ITGA2: variants seen among roughly 807,000 people sequenced by gnomAD.
ITGA2 encodes integrin subunit alpha 2.
Under a neutral mutation model 146.3 loss-of-function variants are expected in ITGA2, and 101 were observed. The observed-to-expected ratio is 0.69, with a 90% confidence interval of 0.59 to 0.81. ITGA2 has a LOEUF of 0.81. Ranked by LOEUF, ITGA2 falls within the 40% of genes least tolerant of loss-of-function variation. The pLI, the probability that ITGA2 is intolerant of heterozygous loss-of-function variation, is 0.00. For synonymous variants in ITGA2, 477 were observed against 487.1 expected (o/e 0.98, Z 0.27); for missense variants, 1,281 against 1,402.7 (o/e 0.91, Z 1.39).
chr5:53,005,222 C>T (rs1741778364), intron 1 of ITGA2, among the ~76,000 whole-genome samples: 1 of 151,998 alleles, frequency 6.6e-6, no homozygotes, highest in African/African-American at 2.4e-5. Context: ...TTGTGGTGTG[C>T]TTCTCGTGTG....
intron 20 of ITGA2, among the ~76,000 whole-genome samples, 164 bp downstream of exon 20, chr5:53,073,423 G>C (rs1315362250): frequency 2.6e-5 from 4 of 151,798 alleles, no homozygotes; most frequent in Non-Finnish European, 5.9e-5. Context: ...ACATAGTCTG[G>C]CTCTATATCT....
chr5:53,032,856 C>T (rs1165033873), intron 2 of ITGA2, among the ~76,000 whole-genome samples: 2 of 152,166 alleles, frequency 1.3e-5, no homozygotes, highest in African/African-American at 4.8e-5. Context: ...GTTTTACCCT[C>T]AGCTTCCCCA....
In ITGA2 at chr5:52,989,528, T is replaced by C. The variant is rs146416678; in HGVS notation, c.60T>C (p.Ser20=). The change falls in exon 1 of 30, where the codon AGT becomes AGC. Residue 20 remains serine, a synonymous_variant. Coordinates refer to ENST00000296585, the MANE Select transcript of ITGA2 (RefSeq NM_002203.4). ...PLPLLLVLAL[S]QGILNCCLAY... ...CGCTGCTGCTGGTGTTAGCGCTCAGTCAAGGTAAGCGGGGATTTCGCTCTG... is the reference window on the plus strand; with the variant it reads ...CGCTGCTGCTGGTGTTAGCGCTCAGCCAAGGTAAGCGGGGATTTCGCTCTG... 317 of 1,613,948 alleles carry C rather than the reference T, an allele frequency of 2.0e-4. No individual in the cohort carries two copies. In the African/African-American group the frequency reaches 3.8e-3, roughly 19 times the overall value.
chr5:52,994,572 C>T (rs577515260), intron 1 of ITGA2, among the ~76,000 whole-genome samples: 36 of 152,312 alleles, frequency 2.4e-4, no homozygotes, highest in Admixed American at 1.5e-3. Context: ...AAATTTGGAA[C>T]AACTACAGCC....
chr5:53,059,973 G>A lies in ITGA2; in HGVS notation c.1273G>A (p.Asp425Asn), dbSNP rs1199748745. ...GHLIFPKQAF[D>N]QILQDRNHSS... ...TTTGATCTTTCCTAAACAAGCCTTT[G>A]ACCAAATTCTGCAGGACAGAAATCA... Residue 425 changes from aspartate to asparagine, a missense_variant, in exon 11 of 30, where the codon GAC (aspartate) becomes AAC (asparagine). Transcript: ENST00000296585. 2 of 1,612,124 alleles carry A rather than the reference G, an allele frequency of 1.2e-6. No individual in the cohort carries two copies. Among genetic ancestry groups the A allele is most frequent in the African/African-American group, 2.7e-5 (2 of 74,784 alleles).
At chr5:53,039,095 AAAT>A (rs1579835444) in intron 2 of ITGA2, among the ~76,000 whole-genome samples, 3 of 152,290 alleles carry the variant, frequency 2.0e-5, no homozygotes, top group South Asian at 2.1e-4. Flanking sequence ...ACCATCTCAA[AAAT>A]AATAATAATA....
intron 1 of ITGA2, among the ~76,000 whole-genome samples, chr5:53,008,650 C>A (rs1021576425): frequency 1.3e-5 from 2 of 152,062 alleles, no homozygotes; most frequent in Admixed American, 6.6e-5. Context: ...GAGTCTCTCT[C>A]TCTCTGCCTC....
intron 28 of ITGA2, among the ~76,000 whole-genome samples, chr5:53,087,407 G>T (rs982792906): frequency 7.2e-5 from 11 of 152,230 alleles, no homozygotes; most frequent in African/African-American, 2.4e-4. Context: ...ACACAAAATG[G>T]TCTGGAGCTT....
Position 53,055,559 on chromosome 5 carries a change from T to C in ITGA2, c.801T>C (p.Ala267=). Residue 267 remains alanine (A), a synonymous_variant, in exon 8 of 30, where the codon GCT becomes GCC. Coordinates refer to ENST00000296585, the MANE Select transcript of ITGA2 (RefSeq NM_002203.4). ...QYARKYAYSA[A]SGGRRSATKV... is the part of the protein sequence containing the mutation. ...ACAGAAAATATGCTTATTCAGCAGC[T>C]TCTGGTGGGCGACGAAGTGCTACGA... is the stretch of plus-strand genomic sequence containing the variant. 1 of 1,613,136 alleles carries C rather than the reference T, an allele frequency of 6.2e-7. No individual in the cohort carries two copies. The highest frequency in any genetic ancestry group is 8.5e-7 in the Non-Finnish European group (1 of 1,179,330).
intron 1 of ITGA2, among the ~76,000 whole-genome samples, chr5:53,013,371 T>C (rs1455335523): frequency 1.4e-5 from 2 of 147,746 alleles, no homozygotes; most frequent in Non-Finnish European, 3.0e-5. Context: ...TCCCTATTTC[T>C]TTCTTTTTTT....
chr5:53,074,019 TCTC>T (rs892682239), intron 20 of ITGA2, among the ~76,000 whole-genome samples: 1 of 151,722 alleles, frequency 6.6e-6, no homozygotes, highest in African/African-American at 2.4e-5. Flanking sequence ...TTTACTTTCT[TCTC>T]TTGAAAATGC....
intron 2 of ITGA2, among the ~76,000 whole-genome samples, chr5:53,033,602 T>C (rs921584526): frequency 9.2e-5 from 14 of 152,036 alleles, no homozygotes; most frequent in African/African-American, 3.4e-4. Flanking sequence ...ATTAATTAAT[T>C]AATTAATTAA....
intron 1 of ITGA2, among the ~76,000 whole-genome samples, chr5:53,024,660 G>T (rs1742854674): frequency 6.6e-6 from 1 of 152,228 alleles, no homozygotes; most frequent in Non-Finnish European, 1.5e-5. Context: ...TTTGAGCAAA[G>T]TCCTACATGC....
At chr5:53,016,813 T>C (rs562192497) in intron 1 of ITGA2, among the ~76,000 whole-genome samples, 1 of 152,362 alleles carries the variant, frequency 6.6e-6, no homozygotes, top group Non-Finnish European at 1.5e-5. Context: ...TATTTTTGAC[T>C]GAGTTAATTT....
At chr5:53,090,201 C>T (rs1381061547) in intron 29 of ITGA2, 139 bp downstream of exon 29, 2 of 721,078 alleles carry the variant, frequency 2.8e-6, no homozygotes, top group African/African-American at 3.5e-5. Context: ...TTTATAATTT[C>T]TTACTCATGT....
chr5:52,996,725 T>G (rs35236), intron 1 of ITGA2, among the ~76,000 whole-genome samples: 119,103 of 152,106 alleles, frequency 0.78, 47,299 homozygotes, highest in Non-Finnish European at 0.85. Flanking sequence ...TCCAGTGGCA[T>G]AATTAATATC....
At chr5:53,031,111 CCCTTCTCT>C (rs1437119095) in intron 2 of ITGA2, among the ~76,000 whole-genome samples, 2 of 152,184 alleles carry the variant, frequency 1.3e-5, no homozygotes, top group Non-Finnish European at 2.9e-5. Context: ...GGGCCCTGTG[CCCTTCTCT>C]ACTCTTAATT....
At chr5:53,089,901 T>G in intron 28 of ITGA2, 45 bp from the exon 29 acceptor site, 1 of 1,145,458 alleles carries the variant, frequency 8.7e-7, no homozygotes, top group Non-Finnish European at 1.3e-6. Context: ...TCTCCCCCCT[T>G]TTTTGTGGTA....
intron 1 of ITGA2, among the ~76,000 whole-genome samples, chr5:53,017,878 G>A (rs909900793): frequency 2.6e-5 from 4 of 152,216 alleles, no homozygotes; most frequent in East Asian, 1.9e-4. Flanking sequence ...ATGGGTAAGC[G>A]CATGCTGGCA....
Sources: allele counts gnomAD v4.1 joint callset (sites outside exome capture counted in the v4.1 genomes callset), GRCh38; gene constraint gnomAD v4.1.1; transcripts MANE v1.5; gene names NCBI Gene and HGNC (gene_info 2026-07-23, HGNC 2026-07-21).